Variants in LRBA observed in about 807,000 individuals in gnomAD.
LRBA encodes the protein lipopolysaccharide-responsive and beige-like anchor protein.
A neutral mutation model predicts 330.0 loss-of-function variants in LRBA; 176 were observed. That is an observed-to-expected ratio of 0.53 (90% CI 0.47 to 0.60). The LOEUF is 0.60. LRBA is among the 20% of genes least tolerant of loss of function. LRBA has a pLI of 0.00. For synonymous variants in LRBA, 1,230 were observed against 1,193.0 expected (o/e 1.03, Z -0.64); for missense variants, 3,259 against 3,444.8 (o/e 0.95, Z 1.35).
chr4:150,330,901 G>A (rs1733916084), intron 48 of LRBA, among the ~76,000 whole-genome samples: 1 of 152,112 alleles, frequency 6.6e-6, no homozygotes, highest in African/African-American at 2.4e-5. Flanking sequence ...GTTGGACTGG[G>A]GACAAAACCA....
At chr4:150,288,968 G>A (rs1382284165) in intron 53 of LRBA, among the ~76,000 whole-genome samples, 1 of 152,126 alleles carries the variant, frequency 6.6e-6, no homozygotes, top group Non-Finnish European at 1.5e-5. Flanking sequence ...GATAATGGTG[G>A]TCCCAGAGGA....
chr4:150,707,323 G>C (rs1785725302), intron 36 of LRBA, among the ~76,000 whole-genome samples: 1 of 151,608 alleles, frequency 6.6e-6, no homozygotes, highest in Non-Finnish European at 1.5e-5. Flanking sequence ...GTAGACATGA[G>C]ATTGTTAAAA....
intron 40 of LRBA, among the ~76,000 whole-genome samples, chr4:150,559,737 T>C (rs1186168436): frequency 1.1e-5 from 1 of 89,252 alleles, no homozygotes; most frequent in Non-Finnish European, 2.0e-5. Flanking sequence ...ATATATAATA[T>C]AATATATAAT....
At chr4:150,557,015 T>G (rs900518735) in intron 40 of LRBA, among the ~76,000 whole-genome samples, 4 of 152,184 alleles carry the variant, frequency 2.6e-5, no homozygotes, top group African/African-American at 9.7e-5. Context: ...ACATCTTGGT[T>G]TCTAATAGCA....
chr4:150,744,476 G>C (rs1732425804), intron 35 of LRBA, among the ~76,000 whole-genome samples: 1 of 152,022 alleles, frequency 6.6e-6, no homozygotes, highest in African/African-American at 2.4e-5. Flanking sequence ...CTGTTTTATA[G>C]CCAATGTCCT....
chr4:150,433,150 G>C (rs1750656428), intron 46 of LRBA, among the ~76,000 whole-genome samples: 1 of 152,108 alleles, frequency 6.6e-6, no homozygotes. Flanking sequence ...GAGGGAGCTG[G>C]ATTTGACTCC....
At chr4:150,493,058 G>A (rs1431854169) in intron 40 of LRBA, among the ~76,000 whole-genome samples, 1 of 152,132 alleles carries the variant, frequency 6.6e-6, no homozygotes, top group East Asian at 1.9e-4. Context: ...ACAGCTCACT[G>A]CAGCCTCAAC....
intron 36 of LRBA, among the ~76,000 whole-genome samples, chr4:150,688,856 G>A (rs1783857539): frequency 2.6e-5 from 4 of 152,088 alleles, no homozygotes; most frequent in Admixed American, 2.6e-4. Flanking sequence ...GTTGGAGGGA[G>A]TATAAATTAG....
chr4:150,692,435 G>C (rs1784224266), intron 36 of LRBA, among the ~76,000 whole-genome samples: 1 of 151,916 alleles, frequency 6.6e-6, no homozygotes, highest in Non-Finnish European at 1.5e-5. Flanking sequence ...GCCCACGCTG[G>C]TCTCAAACTC....
chr4:150,746,690 T>G (rs1732780433), intron 35 of LRBA, among the ~76,000 whole-genome samples: 1 of 152,054 alleles, frequency 6.6e-6, no homozygotes, highest in Non-Finnish European at 1.5e-5. Flanking sequence ...TTTTATATTT[T>G]TAGTACAGAC....
At chr4:150,541,752 T>C (rs1235518057) in intron 40 of LRBA, among the ~76,000 whole-genome samples, 2 of 152,158 alleles carry the variant, frequency 1.3e-5, no homozygotes, top group Non-Finnish European at 2.9e-5. Context: ...GATGCTTCCT[T>C]GAACCTCATA....
chr4:150,929,965 C>A (rs976795259), intron 2 of LRBA, among the ~76,000 whole-genome samples: 3 of 152,130 alleles, frequency 2.0e-5, no homozygotes, highest in African/African-American at 7.2e-5. Flanking sequence ...TTTCATTATG[C>A]ATTTCCAAAC....
At chr4:150,489,215 C>T (rs1206700138) in intron 41 of LRBA, among the ~76,000 whole-genome samples, 20 of 36,198 alleles carry the variant, frequency 5.5e-4, no homozygotes, top group South Asian at 2.1e-3. Flanking sequence ...ATTATATATA[C>T]GAATATATAA....
At chr4:150,629,707 C>T (rs1187609129) in intron 37 of LRBA, among the ~76,000 whole-genome samples, 20 of 146,682 alleles carry the variant, frequency 1.4e-4, no homozygotes, top group Non-Finnish European at 1.2e-4. Flanking sequence ...TGGTGGCTCA[C>T]GCCTGTAATC....
At chr4:150,925,051 T>C (rs1336242744) in intron 4 of LRBA, among the ~76,000 whole-genome samples, 2 of 151,746 alleles carry the variant, frequency 1.3e-5, no homozygotes, top group Non-Finnish European at 2.9e-5. Context: ...ATGTCCGTGG[T>C]CCCAGCTACT....
chr4:150,639,197 C>T (rs1366233174), intron 37 of LRBA, among the ~76,000 whole-genome samples: 2 of 116,244 alleles, frequency 1.7e-5, no homozygotes, highest in Admixed American at 2.0e-4. Context: ...ACTCTGGGGA[C>T]TGTGGTGGGG....
intron 44 of LRBA, among the ~76,000 whole-genome samples, chr4:150,438,218 C>T (rs1162815498): frequency 6.6e-6 from 1 of 152,174 alleles, no homozygotes; most frequent in Non-Finnish European, 1.5e-5. Context: ...TGCAGTGGTT[C>T]ACACCTATAA....
At chr4:150,674,399 A>C (rs1782346594) in intron 37 of LRBA, among the ~76,000 whole-genome samples, 2 of 152,044 alleles carry the variant, frequency 1.3e-5, no homozygotes, top group Non-Finnish European at 2.9e-5. Context: ...AAAGTCTAAA[A>C]AAAAAAAAGC....
intron 34 of LRBA, among the ~76,000 whole-genome samples, chr4:150,770,141 C>A (rs553083663): frequency 2.0e-5 from 3 of 152,276 alleles, no homozygotes; most frequent in African/African-American, 7.2e-5. Context: ...TCATCTGTTT[C>A]TGTTGGGAAA....
Sources: gnomAD v4.1 joint callset for allele counts (sites outside exome capture counted in the v4.1 genomes callset) on GRCh38, gnomAD v4.1.1 for gene constraint, MANE v1.5 for transcripts, NCBI Gene and HGNC (gene_info 2026-07-23, HGNC 2026-07-21) for gene names.